ITGA5: variants seen among roughly 807,000 people sequenced by gnomAD.
ITGA5 encodes integrin alpha-5.
A neutral mutation model predicts 146.3 loss-of-function variants in ITGA5; 55 were observed. The ratio of observed to expected loss-of-function variants is 0.38; its 90% CI spans 0.30 to 0.47. ITGA5 has a LOEUF of 0.47. Among genes scored for constraint, ITGA5 ranks in the 20% least tolerant of loss-of-function variants. ITGA5 has a pLI of 0.99. For missense variants in ITGA5, 1,131 were observed against 1,329.0 expected, an observed-to-expected ratio of 0.85 and a Z score of 2.32; for synonymous variants, 500 against 531.8, an observed-to-expected ratio of 0.94 and a Z score of 0.82.
At chr12:54,417,658 A>G (rs1460258616) in intron 1 of ITGA5, among the ~76,000 whole-genome samples, 1 of 152,140 alleles carries the variant, frequency 6.6e-6, no homozygotes, top group Non-Finnish European at 1.5e-5. Context: ...AGTAGAGATC[A>G]GTTAACTGTC....
At chr12:54,411,748 C>T (rs1041893751) in intron 2 of ITGA5, 86 bp downstream of exon 2, 10 of 1,236,896 alleles carry the variant, frequency 8.1e-6, no homozygotes, top group Non-Finnish European at 9.6e-6. Context: ...CCAGCAGGCT[C>T]CACCCCTCGC....
intron 19 of ITGA5, 52 bp downstream of exon 19, chr12:54,402,931 T>C: frequency 6.7e-7 from 1 of 1,496,270 alleles, no homozygotes; most frequent in Admixed American, 1.7e-5. Flanking sequence ...GCTGATTTTT[T>C]CAGGTGCCAG....
rs796074113 is a variant in ITGA5 at position 54,411,235 on chromosome 12, C to T, written c.349+599G>A. On this transcript the variant is annotated intron_variant, in intron 2 of 29. Coordinates refer to ENST00000293379, the MANE Select transcript of ITGA5 (RefSeq NM_002205.5). ...CTCCAATGTTTGCTAGCTGTATAACCTTGGATAAGCTACTTACCCTCTGTC... is the reference window on the plus strand; with the variant it reads ...CTCCAATGTTTGCTAGCTGTATAACTTTGGATAAGCTACTTACCCTCTGTC... 5.3e-5 allele frequency among the ~76,000 whole-genome samples: 8 copies of T among 152,362 alleles called. 1 individual carries two copies. The highest frequency in any genetic ancestry group is 1.9e-4 in the African/African-American group (8 of 41,582).
chr12:54,397,551 C>A lies in ITGA5; in HGVS notation c.2944-64G>T. 2.5e-6 allele frequency: 4 copies of A among 1,595,340 alleles called. No individual in the cohort carries two copies. The South Asian group carries it at 4.5e-5, about 18-fold the overall frequency. ...AGTTCTTTCTACCCTATACTTGGCCCCCACTTGTCATTGGATCTGCAGAGC... is the reference window on the plus strand; with the variant it reads ...AGTTCTTTCTACCCTATACTTGGCCACCACTTGTCATTGGATCTGCAGAGC... On this transcript the variant is annotated intron_variant, in intron 28 of 29. Coordinates refer to ENST00000293379, the MANE Select transcript of ITGA5 (RefSeq NM_002205.5).
chr12:54,412,288 G>C, intron 1 of ITGA5: 1 of 214,302 alleles, frequency 4.7e-6, no homozygotes, highest in African/African-American at 2.3e-5. Flanking sequence ...TGTACCCCTG[G>C]CTTCTCCCTC....
At chr12:54,405,597 T>C (rs1565641783) in intron 11 of ITGA5, 67 bp downstream of exon 11, 5 of 1,399,662 alleles carry the variant, frequency 3.6e-6, no homozygotes, top group Non-Finnish European at 5.0e-6. Context: ...GCATTTTCTG[T>C]CCCATTCCCA....
intron 9 of ITGA5, 21 bp from the exon 10 acceptor site, chr12:54,405,947 C>T (rs1955861236): frequency 2.5e-6 from 4 of 1,606,682 alleles, no homozygotes; most frequent in Non-Finnish European, 3.4e-6. Context: ...AAGAGATAGG[C>T]CCATTGGTCC....
chr12:54,413,509 C>T (rs1251645562), intron 1 of ITGA5: 1 of 152,280 alleles, frequency 6.6e-6, no homozygotes, highest in African/African-American at 2.4e-5. Context: ...CTGTCTGTTT[C>T]CAACCTCTCA....
At position 54,396,028 on chromosome 12, in the gene ITGA5, G is replaced by A. The variant is rs990068922; in HGVS notation, c.*265C>T. 1.5e-5 allele frequency: 6 copies of A among 412,484 alleles called. No individual in the cohort carries two copies. Among genetic ancestry groups the A allele is most frequent in the East Asian group, 1.3e-4 (3 of 22,340 alleles). 25.6% of individuals were successfully genotyped at this position (412,484 alleles called of 1,614,324 possible). A position where few individuals can be genotyped will look rare whatever the true frequency, so the allele number is the denominator to read the frequency against. The stretch of plus-strand genomic sequence containing the variant: ...CTCCAAAATGCAAAGGCTTCAGGGA[G>A]GCTGGGGCCTCTGTCCCTGGATCTG... On this transcript the variant is annotated 3_prime_UTR_variant, in exon 30 of 30. Coordinates refer to ENST00000293379, the MANE Select transcript of ITGA5 (RefSeq NM_002205.5).
chr12:54,399,774 C>G lies in ITGA5; in HGVS notation c.2728-16G>C. The G allele has an allele frequency of 6.2e-7, 1 of 1,613,220 alleles. No individual in the cohort carries two copies. The highest frequency in any genetic ancestry group is 1.7e-4 in the Middle Eastern group (1 of 6,058). On this transcript the variant is annotated splice_polypyrimidine_tract_variant and intron_variant, in intron 26 of 29. Coordinates refer to ENST00000293379, the MANE Select transcript of ITGA5 (RefSeq NM_002205.5). ...CCGGGCATTTCTAGGAAGAAAGAAG[C>G]TTGAACCTGGTGTTCTGCCCTTGTG...
Position 54,409,838 on chromosome 12 carries a change from G to A in ITGA5, c.350-241C>T, listed in dbSNP as rs1341770888. On this transcript the variant is annotated intron_variant, in intron 2 of 29. Transcript: ENST00000293379. This position sits in a 1 kb window ranked among gnomAD's most constrained non-coding sequence, Gnocchi z 4.7. ...CACACACACATACATACACACGCAC[G>A]CACACGCACACAGAACCTGGGCTTT... The A allele has an allele frequency of 2.5e-5, 10 of 401,192 alleles. No individual in the cohort carries two copies. The highest frequency in any genetic ancestry group is 6.9e-5 in the South Asian group (2 of 29,112). The allele number at this position is 401,192 out of a possible 1,614,324, so 24.9% of individuals were successfully genotyped here. A position where few individuals can be genotyped will look rare whatever the true frequency, so the allele number is the denominator to read the frequency against.
At position 54,414,887 on chromosome 12, in the gene ITGA5, G is replaced by A. The variant is rs1215014350; in HGVS notation, c.219-2923C>T. On this transcript the variant is annotated intron_variant, in intron 1 of 29. Transcript: ENST00000293379. ...ACAACGGCCAGGCGTGGTGGCTCAC[G>A]CTTGTAATCCCAGCACTTTGGGAGG... 3.3e-5 allele frequency among the ~76,000 whole-genome samples: 5 copies of A among 151,950 alleles called. 1 individual carries two copies. Among genetic ancestry groups the A allele is most frequent in the Non-Finnish European group, 7.4e-5 (5 of 68,018 alleles).
At position 54,417,425 on chromosome 12, in the gene ITGA5, C is replaced by T. The variant is rs145935840; in HGVS notation, c.218+1556G>A. ...GGAACCTGGGGGAGACCAGGCCTGG[C>T]AGAGGCTCCAGGCCAGGGTGATGAT... On this transcript the variant is annotated intron_variant, in intron 1 of 29. Coordinates refer to ENST00000293379, the MANE Select transcript of ITGA5 (RefSeq NM_002205.5). 9.7e-3 allele frequency among the ~76,000 whole-genome samples: 1,276 copies of T among 131,432 alleles called. 16 individuals carry two copies. Among genetic ancestry groups the T allele is most frequent in the Middle Eastern group, 0.028 (6 of 212 alleles). 86.2% of individuals were successfully genotyped at this position (131,432 alleles called of 152,430 possible).
In ITGA5 at chr12:54,410,867, C is replaced by T. The variant is rs529928453; in HGVS notation, c.349+967G>A. 3.9e-5 allele frequency among the ~76,000 whole-genome samples: 6 copies of T among 152,286 alleles called. 1 individual carries two copies. Among genetic ancestry groups the T allele is most frequent in the African/African-American group, 1.4e-4 (6 of 41,536 alleles). ...TCAGCTTCCCAAGTAGCTGGGATTACAGGCAAGTGCCACCATGCCCGGCTA... is the reference window on the plus strand; with the variant it reads ...TCAGCTTCCCAAGTAGCTGGGATTATAGGCAAGTGCCACCATGCCCGGCTA... On this transcript the variant is annotated intron_variant, in intron 2 of 29. Transcript: ENST00000293379.
chr12:54,414,844 TCAACAACAA>T (rs762357824), intron 1 of ITGA5, among the ~76,000 whole-genome samples: 1 of 149,688 alleles, frequency 6.7e-6, no homozygotes, highest in Admixed American at 6.6e-5. Context: ...AGACTCCTTC[TCAACAACAA>T]CAACAACAAC....
chr12:54,399,654 A>G lies in ITGA5; in HGVS notation c.2832T>C (p.Thr944=). 6.2e-7 allele frequency: 1 copy of G among 1,613,586 alleles called. No homozygotes were observed. Among genetic ancestry groups the G allele is most frequent in the South Asian group, 1.1e-5 (1 of 91,078 alleles). ...GGTAAGGCTCCCTCACCTGCAAGAA[A>G]GTCTTGGCCCAGACTCGGAAATGCA... ...LQLHFRVWAK[T]FLQREHQPFS... is the part of the protein sequence containing the mutation. The change falls in exon 27 of 30, where the codon ACT becomes ACC. Residue 944 remains threonine (T), a synonymous_variant. Coordinates refer to ENST00000293379, the MANE Select transcript of ITGA5 (RefSeq NM_002205.5).
chr12:54,399,980 C>T, intron 25 of ITGA5, 33 bp from the exon 26 acceptor site: 3 of 1,492,512 alleles, frequency 2.0e-6, no homozygotes, highest in Non-Finnish European at 2.8e-6. Flanking sequence ...CCTTTCCCAT[C>T]TCATTACAGC....
rs762766669 is a variant in ITGA5 at position 54,408,709 on chromosome 12, CAAAAAAAAAAAAAA to C, written c.691+33_691+46del. On this transcript the variant is annotated intron_variant, in intron 6 of 29. Transcript: ENST00000293379. ...TGGGTGACAGAGTGAGACTTCGTCTCAAAAAAAAAAAAAAAAAAAAAAAAGAATGGCAGAGACAG... is the reference window on the plus strand; with the variant it reads ...TGGGTGACAGAGTGAGACTTCGTCTCAAAAAAAAAAGAATGGCAGAGACAG... 38 of 1,196,334 alleles carry C rather than the reference CAAAAAAAAAAAAAA, an allele frequency of 3.2e-5. No homozygotes were observed. In the African/African-American group the frequency reaches 9.1e-4, roughly 29 times the overall value. The allele number at this position is 1,196,334 out of a possible 1,614,324, so 74.1% of individuals were successfully genotyped here. A position where few individuals can be genotyped will look rare whatever the true frequency, so the allele number is the denominator to read the frequency against.
In ITGA5 at chr12:54,405,227, C is replaced by T; in HGVS notation, c.1164G>A (p.Glu388=). ...TCAAGGAGCTGCCAAATCGGCCAAA[C>T]TCATCATGGCCAGTGAGGGTAAGGG... The part of the protein sequence containing the change: ...TPTLTLTGHD[E]FGRFGSSLTP... Residue 388 remains glutamate (E), a synonymous_variant, in exon 12 of 30, where the codon GAG becomes GAA. Transcript: ENST00000293379. 1 of 1,612,988 alleles carries T rather than the reference C, an allele frequency of 6.2e-7. No homozygotes were observed. Among genetic ancestry groups the T allele is most frequent in the Non-Finnish European group, 8.5e-7 (1 of 1,179,176 alleles).
Sources: gnomAD v4.1 joint callset for allele counts (sites outside exome capture counted in the v4.1 genomes callset) on GRCh38, gnomAD v4.1.1 for gene constraint, Gnocchi (gnomAD v3.1) non-coding constraint, MANE v1.5 for transcripts, NCBI Gene and HGNC (gene_info 2026-07-23, HGNC 2026-07-21) for gene names.